The following BCAS3 variants were observed in gnomAD, a reference collection of about 807,000 sequenced individuals.
BCAS3 encodes BCAS4/BCAS3 fusion.
BCAS3 carries 53 observed loss-of-function variants against 116.1 expected under a neutral mutation model. That is an observed-to-expected ratio of 0.46 (90% CI 0.37 to 0.57). The LOEUF (loss-of-function observed/expected upper bound fraction) is 0.57. Among genes scored for constraint, BCAS3 ranks in the 20% least tolerant of loss-of-function variants. BCAS3 has a pLI of 0.00. For missense variants in BCAS3, 917 were observed against 1,165.4 expected, an observed-to-expected ratio of 0.79 and a Z score of 3.10; for synonymous variants, 391 against 408.2, an observed-to-expected ratio of 0.96 and a Z score of 0.51.
intron 6 of BCAS3, among the ~76,000 whole-genome samples, chr17:60,783,190 A>AGTTT (rs900012346): frequency 1.3e-5 from 2 of 152,178 alleles, no homozygotes; most frequent in South Asian, 2.1e-4. Flanking sequence ...TTCAATCAAC[A>AGTTT]GTTTGTTTGT....
chr17:61,167,896 C>T (rs1261266349), intron 22 of BCAS3, among the ~76,000 whole-genome samples: 5 of 152,050 alleles, frequency 3.3e-5, no homozygotes, highest in East Asian at 1.9e-4. Context: ...ATTTTTGTTC[C>T]CCATGCCTAC....
At chr17:61,022,617 C>CT (rs1396051849) in intron 16 of BCAS3, among the ~76,000 whole-genome samples, 2 of 152,036 alleles carry the variant, frequency 1.3e-5, no homozygotes, top group East Asian at 3.9e-4. Flanking sequence ...ATGTTCATCT[C>CT]TTTTTTTGCC....
intron 22 of BCAS3, among the ~76,000 whole-genome samples, chr17:61,164,123 C>T (rs2078341064): frequency 7.1e-6 from 1 of 140,290 alleles, no homozygotes; most frequent in Non-Finnish European, 1.5e-5. Flanking sequence ...TTGGAAACAT[C>T]AGTACTGGGA....
At chr17:60,971,432 G>C (rs2061953981) in intron 14 of BCAS3, among the ~76,000 whole-genome samples, 1 of 152,052 alleles carries the variant, frequency 6.6e-6, no homozygotes, top group South Asian at 2.1e-4. Context: ...TAAATGAATG[G>C]GCACAGTTGG....
At chr17:60,699,883 A>G in intron 4 of BCAS3, among the ~76,000 whole-genome samples, 1 of 148,410 alleles carries the variant, frequency 6.7e-6, no homozygotes, top group South Asian at 2.2e-4. Context: ...AAAAAAAAAG[A>G]GCAGTTTTGG....
rs146258787 is a variant in BCAS3, at chr17:60,878,170, C to T, written c.661+3432C>T. Among the ~76,000 whole-genome samples, 579 of 151,962 alleles carry T rather than the reference C, an allele frequency of 3.8e-3. 3 individuals are homozygous for T. Among genetic ancestry groups the T allele is most frequent in the African/African-American group, 0.013 (541 of 41,460 alleles). Reference sequence around the variant, plus strand: ...GACTACAGGCAGGCACCACCACGCCCGGCTAATTTTTGTATTTTTAGTAGA... The same window carrying T: ...GACTACAGGCAGGCACCACCACGCCTGGCTAATTTTTGTATTTTTAGTAGA... On this transcript the variant is annotated intron_variant, in intron 9 of 23. Transcript: ENST00000407086.
At chr17:61,382,100 G>T (rs1177970963) in intron 23 of BCAS3, among the ~76,000 whole-genome samples, 3 of 151,922 alleles carry the variant, frequency 2.0e-5, no homozygotes, top group Non-Finnish European at 2.9e-5. Context: ...GGCTAAGGAG[G>T]GTGGATCACC....
At chr17:61,184,897 G>A (rs1212132899) in intron 22 of BCAS3, among the ~76,000 whole-genome samples, 1 of 152,048 alleles carries the variant, frequency 6.6e-6, no homozygotes, top group Admixed American at 6.6e-5. Flanking sequence ...AACTATAGAG[G>A]TAGAATGCAG....
At position 61,088,866 on chromosome 17, in the gene BCAS3, T is replaced by G. The variant is rs1336976099; in HGVS notation, c.2425+4302T>G. 6.6e-6 allele frequency among the ~76,000 whole-genome samples: 1 copy of G among 152,122 alleles called. No homozygotes were observed. The highest frequency in any genetic ancestry group is 1.5e-5 in the Non-Finnish European group (1 of 67,964). ...TTAAAGAAAACATTTTATAAAGTTA[T>G]GAGGTGTGGTGGAAGCAGTGTTTGT... On this transcript the variant is annotated intron_variant, in intron 22 of 23. Transcript: ENST00000407086. The surrounding 1 kb of genome is among the most constrained non-coding windows in gnomAD (Gnocchi z 4.2).
rs1332192682 is a variant in BCAS3, at chr17:61,249,786, C to T, written c.2426-118541C>T. On this transcript the variant is annotated intron_variant, in intron 22 of 23. Coordinates refer to ENST00000407086, the MANE Select transcript of BCAS3 (RefSeq NM_017679.5). This position sits in a 1 kb window ranked among gnomAD's most constrained non-coding sequence, Gnocchi z 6.2. Reference sequence around the variant, plus strand: ...ATTTTGATAATTACTACACCTTAATCTGTTATCTGTCAAAAGGGAAAAAAC... The same window carrying T: ...ATTTTGATAATTACTACACCTTAATTTGTTATCTGTCAAAAGGGAAAAAAC... Among the ~76,000 whole-genome samples the T allele has an allele frequency of 6.6e-6, 1 of 151,952 alleles. No homozygotes were observed. Among genetic ancestry groups the T allele is most frequent in the Non-Finnish European group, 1.5e-5 (1 of 67,932 alleles).
chr17:60,956,670 C>T lies in BCAS3; in HGVS notation c.1221+9318C>T, dbSNP rs188873492. ...AATGTTTGCTAATGCCAGTGATGTT[C>T]CTACTTAACAGGTAGGAAAGTCAAA... is the stretch of plus-strand genomic sequence containing the variant. On this transcript the variant is annotated intron_variant, in intron 14 of 23. Coordinates refer to ENST00000407086, the MANE Select transcript of BCAS3 (RefSeq NM_017679.5). This position sits in a 1 kb window ranked among gnomAD's most constrained non-coding sequence, Gnocchi z 4.2. Among the ~76,000 whole-genome samples, 903 of 152,194 alleles carry T rather than the reference C, an allele frequency of 5.9e-3. 7 individuals carry two copies. Among genetic ancestry groups the T allele is most frequent in the Middle Eastern group, 0.014 (4 of 294 alleles).
Position 61,361,071 on chromosome 17 carries a change from C to T in BCAS3, c.2426-7256C>T, listed in dbSNP as rs1050758865. 6.6e-5 allele frequency among the ~76,000 whole-genome samples: 10 copies of T among 151,838 alleles called. No individual in the cohort carries two copies. The highest frequency in any genetic ancestry group is 2.2e-4 in the African/African-American group (9 of 41,272). On this transcript the variant is annotated intron_variant, in intron 22 of 23. Coordinates refer to ENST00000407086, the MANE Select transcript of BCAS3 (RefSeq NM_017679.5). This position sits in a 1 kb window ranked among gnomAD's most constrained non-coding sequence, Gnocchi z 6.5. ...TTTTCTGGAAGTATACTATTGTTAACGACATTGAAACTATTAGTGCCAATG... is the reference window on the plus strand; with the variant it reads ...TTTTCTGGAAGTATACTATTGTTAATGACATTGAAACTATTAGTGCCAATG...
chr17:61,203,462 A>C lies in BCAS3; in HGVS notation c.2425+118898A>C, dbSNP rs1053561630. 2.0e-5 allele frequency among the ~76,000 whole-genome samples: 3 copies of C among 152,094 alleles called. No homozygotes were observed. Among genetic ancestry groups the C allele is most frequent in the Non-Finnish European group, 4.4e-5 (3 of 67,994 alleles). On this transcript the variant is annotated intron_variant, in intron 22 of 23. Coordinates refer to ENST00000407086, the MANE Select transcript of BCAS3 (RefSeq NM_017679.5). The surrounding 1 kb of genome is among the most constrained non-coding windows in gnomAD (Gnocchi z 5.7). The stretch of plus-strand genomic sequence containing the variant: ...TGAGCCACCGCGCCTGGGCTTCATT[A>C]CAATTTTTATTTTGTCTTCCTGATT...
chr17:60,977,167 A>G (rs1175913413), intron 14 of BCAS3, among the ~76,000 whole-genome samples: 1 of 152,064 alleles, frequency 6.6e-6, no homozygotes, highest in Non-Finnish European at 1.5e-5. Flanking sequence ...CCACGAAACA[A>G]TATTTTTTAA....
rs181793164 is a variant in BCAS3 at position 61,073,534 on chromosome 17, T to C, written c.2030-1386T>C. Among the ~76,000 whole-genome samples the C allele has an allele frequency of 6.6e-5, 10 of 152,322 alleles. No homozygotes were observed. Among genetic ancestry groups the C allele is most frequent in the Admixed American group, 6.5e-4 (10 of 15,300 alleles). On this transcript the variant is annotated intron_variant, in intron 19 of 23. Transcript: ENST00000407086. The surrounding 1 kb of genome is among the most constrained non-coding windows in gnomAD (Gnocchi z 4.6). The stretch of plus-strand genomic sequence containing the variant: ...TTGGCATTCTCTTTCACTGCTTGGG[T>C]AAGTGTATAACTCTTTCTGGGAACA...
chr17:61,150,031 T>C (rs1358227861), intron 22 of BCAS3, among the ~76,000 whole-genome samples: 1 of 152,052 alleles, frequency 6.6e-6, no homozygotes, highest in Non-Finnish European at 1.5e-5. Flanking sequence ...TGTTTTTTCC[T>C]AACAGGAAAG....
intron 5 of BCAS3, among the ~76,000 whole-genome samples, chr17:60,729,322 T>C: frequency 6.6e-6 from 1 of 151,866 alleles, no homozygotes. Context: ...ACTCTTTTTT[T>C]TTTTTTTTTT....
At position 61,013,960 on chromosome 17, in the gene BCAS3, C is replaced by A. The variant is rs115427696; in HGVS notation, c.1487-1791C>A. 5.3e-5 allele frequency among the ~76,000 whole-genome samples: 8 copies of A among 152,118 alleles called. No individual in the cohort carries two copies. Among genetic ancestry groups the A allele is most frequent in the Non-Finnish European group, 1.2e-4 (8 of 67,960 alleles). On this transcript the variant is annotated intron_variant, in intron 15 of 23. Coordinates refer to ENST00000407086, the MANE Select transcript of BCAS3 (RefSeq NM_017679.5). The surrounding 1 kb of genome is among the most constrained non-coding windows in gnomAD (Gnocchi z 4.4). The stretch of plus-strand genomic sequence containing the variant: ...GGTAGTTCTCCCTCTATCCTGAATC[C>A]ATGCTATTTTTAAAGCAAATGTCTT...
chr17:60,882,549 C>T lies in BCAS3; in HGVS notation c.662-7146C>T, dbSNP rs1032450828. 8.7e-4 allele frequency among the ~76,000 whole-genome samples: 133 copies of T among 152,222 alleles called. 1 individual carries two copies. Among genetic ancestry groups the T allele is most frequent in the African/African-American group, 2.2e-3 (93 of 41,522 alleles). On this transcript the variant is annotated intron_variant, in intron 9 of 23. Transcript: ENST00000407086. ...TGTCCTGAATGGTCATGCCTAGGTTCTCTTCTAGGGTTTTTATGGTTTTAG... is the reference window on the plus strand; with the variant it reads ...TGTCCTGAATGGTCATGCCTAGGTTTTCTTCTAGGGTTTTTATGGTTTTAG...
Sources: gnomAD v4.1 joint callset for allele counts (sites outside exome capture counted in the v4.1 genomes callset) on GRCh38, gnomAD v4.1.1 for gene constraint, Gnocchi (gnomAD v3.1) non-coding constraint, MANE v1.5 for transcripts, NCBI Gene and HGNC (gene_info 2026-07-23, HGNC 2026-07-21) for gene names.